The following PCDH7 variants were observed in gnomAD, a reference collection of about 807,000 sequenced individuals.
PCDH7 encodes the protein protocadherin-7.
A neutral mutation model predicts 58.9 loss-of-function variants in PCDH7; 17 were observed. The observed-to-expected ratio is 0.29, with a 90% CI of 0.20 to 0.43. PCDH7 has a LOEUF of 0.43. Among genes scored for constraint, PCDH7 ranks in the 20% least tolerant of loss-of-function variants. The pLI is 1.00. For synonymous variants in PCDH7, 664 were observed against 616.4 expected (o/e 1.08, Z -1.14); for missense variants, 1,274 against 1,441.0 (o/e 0.88, Z 1.88).
At chr4:31,096,812 T>C (rs1714047791) in intron 3 of PCDH7, among the ~76,000 whole-genome samples, 1 of 152,178 alleles carries the variant, frequency 6.6e-6, no homozygotes, top group Non-Finnish European at 1.5e-5. Context: ...ATTGAGTTTA[T>C]TGTGCTCTTG....
intron 1 of PCDH7, among the ~76,000 whole-genome samples, chr4:30,788,409 G>A (rs1235142916): frequency 6.6e-6 from 1 of 151,862 alleles, no homozygotes; most frequent in African/African-American, 2.4e-5. Flanking sequence ...TTCTTTCTAT[G>A]TGACAATCAA....
intron 3 of PCDH7, among the ~76,000 whole-genome samples, chr4:31,077,395 G>A (rs1369738933): frequency 2.2e-5 from 3 of 139,036 alleles, no homozygotes; most frequent in Non-Finnish European, 4.6e-5. Context: ...GGCAACAAGA[G>A]CGAAACTCCA....
chr4:30,849,445 G>A (rs533604548), intron 1 of PCDH7, among the ~76,000 whole-genome samples: 16 of 152,142 alleles, frequency 1.1e-4, no homozygotes, highest in African/African-American at 3.9e-4. Context: ...TCTTCCCTCC[G>A]ATTTACCACT....
intron 1 of PCDH7, among the ~76,000 whole-genome samples, chr4:30,808,821 G>A (rs934768245): frequency 6.6e-6 from 1 of 152,050 alleles, no homozygotes. Context: ...AAACGTTTTT[G>A]TATTTATTGT....
At chr4:31,137,836 G>T (rs1215849293) in intron 3 of PCDH7, among the ~76,000 whole-genome samples, 2 of 152,066 alleles carry the variant, frequency 1.3e-5, no homozygotes, top group African/African-American at 4.8e-5. Context: ...TGATCTTTAA[G>T]AAAACTCATT....
At chr4:31,049,905 T>A (rs896508151) in intron 3 of PCDH7, among the ~76,000 whole-genome samples, 9 of 152,288 alleles carry the variant, frequency 5.9e-5, no homozygotes, top group Middle Eastern at 3.4e-3. Flanking sequence ...GGGATGGGAT[T>A]ATCTCTGCAG....
chr4:31,047,474 G>A (rs1239176893), intron 3 of PCDH7, among the ~76,000 whole-genome samples: 1 of 151,944 alleles, frequency 6.6e-6, no homozygotes, highest in East Asian at 1.9e-4. Context: ...CGCCATCCCT[G>A]CCTTTCCCTG....
At chr4:30,974,878 G>C (rs548704727) in intron 3 of PCDH7, among the ~76,000 whole-genome samples, 1 of 152,262 alleles carries the variant, frequency 6.6e-6, no homozygotes, top group East Asian at 1.9e-4. Context: ...AACTACAAAA[G>C]AGAAAGGCCT....
chr4:30,937,696 T>C (rs550707991), intron 2 of PCDH7, among the ~76,000 whole-genome samples: 1 of 152,264 alleles, frequency 6.6e-6, no homozygotes, highest in Admixed American at 6.5e-5. Flanking sequence ...AATCTTTTTA[T>C]GTTCAGGAGA....
intron 1 of PCDH7, among the ~76,000 whole-genome samples, chr4:30,895,622 C>T (rs527819883): frequency 5.2e-4 from 79 of 152,186 alleles, no homozygotes; most frequent in Non-Finnish European, 7.8e-4. Context: ...TAGAGCAGGA[C>T]ATTATTTTTT....
At chr4:30,886,211 A>G (rs1440062822) in intron 1 of PCDH7, among the ~76,000 whole-genome samples, 13 of 148,286 alleles carry the variant, frequency 8.8e-5, no homozygotes, top group Admixed American at 1.3e-4. Flanking sequence ...GAAAATTTTC[A>G]CAACCTACTC....
intron 1 of PCDH7, among the ~76,000 whole-genome samples, chr4:30,848,758 C>G (rs953916638): frequency 5.9e-5 from 9 of 152,038 alleles, no homozygotes; most frequent in Non-Finnish European, 8.8e-5. Context: ...CTAACATTTT[C>G]TTTATTGATT....
chr4:30,793,619 T>G (rs1294605577), intron 1 of PCDH7, among the ~76,000 whole-genome samples: 1 of 152,158 alleles, frequency 6.6e-6, no homozygotes, highest in Non-Finnish European at 1.5e-5. Flanking sequence ...TTCTTGACTT[T>G]AAAACATGAG....
intron 3 of PCDH7, among the ~76,000 whole-genome samples, chr4:31,007,422 C>A (rs78754738): frequency 6.6e-6 from 1 of 152,116 alleles, no homozygotes; most frequent in Non-Finnish European, 1.5e-5. Flanking sequence ...AATTTGGTGT[C>A]AAAGTACCTT....
At chr4:31,052,934 C>G (rs1466073644) in intron 3 of PCDH7, among the ~76,000 whole-genome samples, 2 of 151,968 alleles carry the variant, frequency 1.3e-5, no homozygotes, top group Non-Finnish European at 2.9e-5. Context: ...TTCAACTTTT[C>G]TTTACCCCCT....
At chr4:30,869,083 A>T (rs1157433935) in intron 1 of PCDH7, 1 of 152,064 alleles carries the variant, frequency 6.6e-6, no homozygotes, top group Non-Finnish European at 1.5e-5. Flanking sequence ...CAGAAATACC[A>T]CAAGGTAGTG....
intron 3 of PCDH7, among the ~76,000 whole-genome samples, chr4:30,977,411 A>T (rs574883256): frequency 6.6e-6 from 1 of 152,278 alleles, no homozygotes; most frequent in African/African-American, 2.4e-5. Flanking sequence ...AATTGGTACT[A>T]ATTAGCAGGA....
chr4:31,069,732 G>A (rs1253126689), intron 3 of PCDH7, among the ~76,000 whole-genome samples: 3 of 151,850 alleles, frequency 2.0e-5, no homozygotes, highest in African/African-American at 7.3e-5. Flanking sequence ...ACCTGTTCAT[G>A]TGGCATATTT....
At chr4:30,925,753 T>C (rs1479127099) in intron 2 of PCDH7, 1 of 152,200 alleles carries the variant, frequency 6.6e-6, no homozygotes, top group Non-Finnish European at 1.5e-5. Context: ...TAGTAATATA[T>C]AGAGAGATGG....
Sources: allele counts gnomAD v4.1 joint callset (sites outside exome capture counted in the v4.1 genomes callset), GRCh38; gene constraint gnomAD v4.1.1; transcripts MANE v1.5; gene names NCBI Gene and HGNC (gene_info 2026-07-23, HGNC 2026-07-21).